The following DROSHA variants were observed in gnomAD, a reference collection of about 807,000 sequenced individuals.
The protein encoded by DROSHA is ribonuclease 3.
DROSHA carries 56 observed loss-of-function variants against 181.9 expected under a neutral mutation model. The observed-to-expected ratio is 0.31, with a 90% CI of 0.25 to 0.38. DROSHA has a LOEUF of 0.38. Among genes scored for constraint, DROSHA ranks in the 10% least tolerant of loss-of-function variants. DROSHA has a pLI of 1.00. For synonymous variants in DROSHA, 524 were observed against 591.2 expected (o/e 0.89, Z 1.65); for missense variants, 1,218 against 1,743.5 (o/e 0.70, Z 5.37).
At position 31,435,802 on chromosome 5, in the gene DROSHA, G is replaced by A; in HGVS notation, c.3005C>T (p.Ala1002Val). 6.2e-7 allele frequency: 1 copy of A among 1,613,838 alleles called. No individual in the cohort carries two copies. Among genetic ancestry groups the A allele is most frequent in the Non-Finnish European group, 8.5e-7 (1 of 1,179,812 alleles). ...GGCAAGGTGCTGATTCTGAACAATG[G>A]CAGTCCGATAGGTTGCTAATCCTCC... ...EEGGLATYRTAIVQNQHLAML... is the reference protein window; with the variant it reads ...EEGGLATYRTVIVQNQHLAML... The change falls in exon 25 of 36, where the codon GCC (alanine) becomes GTC (valine). Residue 1002 changes from alanine to valine, a missense_variant. Ala to Val is a moderately conservative substitution (Grantham distance 64). Transcript: ENST00000344624.
intron 23 of DROSHA, among the ~76,000 whole-genome samples, chr5:31,447,892 C>CTA (rs1746502745): frequency 6.6e-6 from 1 of 152,130 alleles, no homozygotes; most frequent in Non-Finnish European, 1.5e-5. Context: ...TGGATCCCTG[C>CTA]TATATTGCTG....
At position 31,437,156 on chromosome 5, in the gene DROSHA, T is replaced by G. The variant is rs549929421; in HGVS notation, c.2942+83A>C. The G allele has an allele frequency of 5.6e-6, 8 of 1,417,364 alleles. No individual in the cohort carries two copies. In the Admixed American group the frequency reaches 6.1e-5, roughly 11 times the overall value. The allele number at this position is 1,417,364 out of a possible 1,614,324, so 87.8% of individuals were successfully genotyped here. ...GTGTATCAATGCCTTATTTGGCTAA[T>G]TACAAAGAAAGCAATGTAATAAGTA... is the stretch of plus-strand genomic sequence containing the variant. On this transcript the variant is annotated intron_variant, in intron 24 of 35. Transcript: ENST00000344624.
At chr5:31,482,253 C>G (rs575904727) in intron 16 of DROSHA, among the ~76,000 whole-genome samples, 1 of 152,096 alleles carries the variant, frequency 6.6e-6, no homozygotes, top group African/African-American at 2.4e-5. Flanking sequence ...ACTGAGTGGC[C>G]CATATATAGA....
chr5:31,526,771 T>C lies in DROSHA; in HGVS notation c.162A>G (p.Glu54=), dbSNP rs1580397426. The change falls in exon 5 of 36, where the codon GAA becomes GAG. Residue 54 remains glutamate (E), a synonymous_variant. Transcript: ENST00000344624. ...PQQPPVQYQY[E]PPSAPSTTFS... Reference sequence around the variant, plus strand: ...AAGTGGTGGAAGGGGCACTTGGAGGTTCATATTGATATTGCACAGGAGGCT... The same window carrying C: ...AAGTGGTGGAAGGGGCACTTGGAGGCTCATATTGATATTGCACAGGAGGCT... 9.4e-6 allele frequency: 15 copies of C among 1,598,240 alleles called. No homozygotes were observed. The highest frequency in any genetic ancestry group is 1.3e-5 in the Non-Finnish European group (15 of 1,174,882).
At chr5:31,446,402 GTA>G (rs1554027922) in intron 23 of DROSHA, among the ~76,000 whole-genome samples, 11 of 129,550 alleles carry the variant, frequency 8.5e-5, no homozygotes, top group Admixed American at 9.1e-5. Context: ...AGCCGAGATC[GTA>G]CCACTGCACT....
At chr5:31,492,605 T>C (rs151300805) in intron 13 of DROSHA, among the ~76,000 whole-genome samples, 36 of 152,272 alleles carry the variant, frequency 2.4e-4, no homozygotes, top group African/African-American at 8.7e-4. Context: ...CCAACTGCAA[T>C]ATGAAGTAAG....
At chr5:31,490,091 G>T (rs1387452066) in intron 13 of DROSHA, among the ~76,000 whole-genome samples, 1 of 151,752 alleles carries the variant, frequency 6.6e-6, no homozygotes, top group East Asian at 1.9e-4. Context: ...GGCCAGGCTG[G>T]TCTCAAACTC....
intron 3 of DROSHA, among the ~76,000 whole-genome samples, chr5:31,530,356 T>C (rs1741130285): frequency 6.6e-6 from 1 of 152,062 alleles, no homozygotes; most frequent in African/African-American, 2.4e-5. Flanking sequence ...CCTGCCACCA[T>C]AGGCTACTCA....
chr5:31,425,832 A>T (rs910716955), intron 27 of DROSHA, among the ~76,000 whole-genome samples: 1 of 152,088 alleles, frequency 6.6e-6, no homozygotes, highest in Admixed American at 6.6e-5. Context: ...AAGTGACTTA[A>T]CCTAAGCTTC....
At chr5:31,441,742 G>A (rs1161241832) in intron 23 of DROSHA, among the ~76,000 whole-genome samples, 3 of 152,156 alleles carry the variant, frequency 2.0e-5, no homozygotes, top group African/African-American at 4.8e-5. Context: ...TGCTGTCCTG[G>A]TAAGGATAGA....
intron 25 of DROSHA, among the ~76,000 whole-genome samples, 165 bp from the exon 26 acceptor site, chr5:31,431,843 G>C (rs1045008814): frequency 5.3e-5 from 8 of 152,164 alleles, no homozygotes; most frequent in Non-Finnish European, 8.8e-5. Flanking sequence ...ACATTCATTA[G>C]AAGTCCTATA....
chr5:31,475,919 A>G (rs1442270193), intron 16 of DROSHA, among the ~76,000 whole-genome samples: 2 of 152,194 alleles, frequency 1.3e-5, no homozygotes, highest in Non-Finnish European at 2.9e-5. Flanking sequence ...GACTGGGGAG[A>G]GCAAATTTAA....
intron 5 of DROSHA, among the ~76,000 whole-genome samples, chr5:31,522,593 C>A (rs1203763397): frequency 2.6e-5 from 4 of 152,128 alleles, no homozygotes; most frequent in African/African-American, 9.7e-5. Context: ...AAGACAAATT[C>A]TTTTAAAGCA....
chr5:31,485,635 T>TTAAAA (rs370241937), intron 14 of DROSHA, among the ~76,000 whole-genome samples: 36 of 136,032 alleles, frequency 2.6e-4, no homozygotes, highest in African/African-American at 8.6e-4. Context: ...AAAAGGAAGT[T>TTAAAA]AAAAAAAAAA....
intron 5 of DROSHA, among the ~76,000 whole-genome samples, chr5:31,525,087 T>C (rs1172664797): frequency 6.6e-6 from 1 of 151,814 alleles, no homozygotes; most frequent in Non-Finnish European, 1.5e-5. Flanking sequence ...TCCCAGCACT[T>C]TGGGAGGCCG....
intron 3 of DROSHA, among the ~76,000 whole-genome samples, chr5:31,530,215 G>C (rs1467877196): frequency 6.6e-6 from 1 of 151,900 alleles, no homozygotes; most frequent in Non-Finnish European, 1.5e-5. Flanking sequence ...CTTACTCCTG[G>C]GCTCAAGCAA....
chr5:31,487,550 G>A (rs1359010632), intron 13 of DROSHA, among the ~76,000 whole-genome samples: 1 of 152,174 alleles, frequency 6.6e-6, no homozygotes, highest in Non-Finnish European at 1.5e-5. Context: ...CCAGAGACGC[G>A]TTAACTGAGT....
chr5:31,456,909 GCAC>G (rs1449365821), intron 20 of DROSHA, among the ~76,000 whole-genome samples: 1 of 151,940 alleles, frequency 6.6e-6, no homozygotes, highest in Non-Finnish European at 1.5e-5. Flanking sequence ...CAACAGGTGT[GCAC>G]CACCACACCT....
intron 20 of DROSHA, among the ~76,000 whole-genome samples, chr5:31,454,405 G>A (rs1224727052): frequency 6.6e-6 from 1 of 152,146 alleles, no homozygotes; most frequent in Non-Finnish European, 1.5e-5. Flanking sequence ...AGCAGAGGGG[G>A]CAGATTTTAG....
Sources: gnomAD v4.1 joint callset for allele counts (sites outside exome capture counted in the v4.1 genomes callset) on GRCh38, gnomAD v4.1.1 for gene constraint, MANE v1.5 for transcripts, NCBI Gene and HGNC (gene_info 2026-07-23, HGNC 2026-07-21) for gene names.